The following SORBS3 variants were observed in gnomAD, a reference collection of about 807,000 sequenced individuals.
SORBS3 encodes sorbin and SH3 domain containing 3.
In SORBS3, 69 loss-of-function variants were observed where a neutral mutation model predicts 98.0. The ratio of observed to expected loss-of-function variants is 0.70; its 90% confidence interval spans 0.58 to 0.86. SORBS3 has a LOEUF of 0.86. Among genes scored for constraint, SORBS3 ranks in the 40% least tolerant of loss-of-function variants. The pLI is 0.00. For synonymous variants in SORBS3, 394 were observed against 355.4 expected (o/e 1.11, Z -1.22); for missense variants, 954 against 908.5 (o/e 1.05, Z -0.64).
rs754874798 is a variant in SORBS3, at chr8:22,571,209, A to C, written c.1731A>C (p.Arg577Ser). 1.9e-5 allele frequency: 30 copies of C among 1,540,758 alleles called. No individual in the cohort carries two copies. The highest frequency in any genetic ancestry group is 3.7e-5 in the Admixed American group (2 of 53,954). ...TCTCCTTCCCCACCCAGGAGCCTAG[A>C]CCCCAGACCCAGGTGAGGTAGCCTG... is the stretch of plus-strand genomic sequence containing the variant. ...TGFSFPTQEP[R>S]PQTQNLGTPG... Residue 577 changes from arginine to serine, a missense_variant, in exon 18 of 21, where the codon AGA becomes AGC. Physicochemically the swap from Arg to Ser is moderately radical, Grantham distance 110. Coordinates refer to ENST00000240123, the MANE Select transcript of SORBS3 (RefSeq NM_005775.5).
At chr8:22,564,587 C>T in intron 10 of SORBS3, 66 bp downstream of exon 10, 1 of 1,596,210 alleles carries the variant, frequency 6.3e-7, no homozygotes, top group South Asian at 1.1e-5. Context: ...TTTGGTGGCC[C>T]CAGTAACCAT....
At chr8:22,550,049 A>T, upstream of SORBS3, 3 of 983,986 alleles carry the variant, frequency 3.0e-6, no homozygotes, top group Non-Finnish European at 3.6e-6. Flanking sequence ...AGTCCCAAGG[A>T]CCCTGACAGG....
intron 7 of SORBS3, among the ~76,000 whole-genome samples, chr8:22,563,504 C>T (rs1358794088): frequency 6.6e-6 from 1 of 152,182 alleles, no homozygotes; most frequent in Non-Finnish European, 1.5e-5. Context: ...GCTTTCCTTG[C>T]CCATGGGTGT....
intron 8 of SORBS3, 37 bp from the exon 9 acceptor site, chr8:22,564,246 C>T (rs1420130255): frequency 3.2e-6 from 5 of 1,550,470 alleles, no homozygotes; most frequent in Non-Finnish European, 4.4e-6. Context: ...TCCCAGTAGC[C>T]CTCTTCACAA....
upstream of SORBS3, chr8:22,551,586 G>C: frequency 7.5e-6 from 2 of 268,224 alleles, no homozygotes; most frequent in Non-Finnish European, 1.2e-5. The surrounding 1 kb of genome is among the most constrained non-coding windows in gnomAD (Gnocchi z 5.8). Flanking sequence ...GTAGGGGCCG[G>C]GATGGCAGCT....
At position 22,564,056 on chromosome 8, in the gene SORBS3, T is replaced by C. The variant is rs762088325; in HGVS notation, c.654T>C (p.Thr218=). ...TFNYRPGAFS[T]VLQPSNQVLR... The stretch of plus-strand genomic sequence containing the variant: ...ACTACAGACCTGGAGCATTCTCCAC[T>C]GTGCTGCAGCCCTCAAATCAGGTAG... The change falls in exon 8 of 21, where the codon ACT becomes ACC. Residue 218 remains threonine, a synonymous_variant. Transcript: ENST00000240123. 1.3e-5 allele frequency: 21 copies of C among 1,613,790 alleles called. No individual in the cohort carries two copies. Among genetic ancestry groups the C allele is most frequent in the Non-Finnish European group, 6.8e-6 (8 of 1,180,020 alleles).
At chr8:22,569,735 T>A (rs1840522595) in intron 17 of SORBS3, among the ~76,000 whole-genome samples, 2 of 152,098 alleles carry the variant, frequency 1.3e-5, no homozygotes, top group South Asian at 4.1e-4. Context: ...TTTAGTGTAG[T>A]GGCTTTTTTT....
chr8:22,549,067 G>A (rs966369481), upstream of SORBS3, among the ~76,000 whole-genome samples: 1 of 152,230 alleles, frequency 6.6e-6, no homozygotes, highest in Admixed American at 6.5e-5. Flanking sequence ...GGGCTTGAGC[G>A]GGGAATACTG....
intron 20 of SORBS3, among the ~76,000 whole-genome samples, chr8:22,572,755 C>T (rs943356599): frequency 6.6e-6 from 1 of 152,224 alleles, no homozygotes; most frequent in South Asian, 2.1e-4. Flanking sequence ...CTCCTGCACA[C>T]CCCTGCCTCG....
intron 1 of SORBS3, among the ~76,000 whole-genome samples, chr8:22,552,821 C>G (rs564964965): frequency 1.2e-4 from 19 of 152,328 alleles, no homozygotes; most frequent in African/African-American, 2.9e-4. Flanking sequence ...TCAACTCCCC[C>G]CCGCAAGGGG....
At chr8:22,564,642 G>A in intron 10 of SORBS3, 121 bp downstream of exon 10, 2 of 1,426,884 alleles carry the variant, frequency 1.4e-6, no homozygotes, top group South Asian at 1.3e-5. Context: ...GTCCCACATG[G>A]TTTATTTCTG....
At chr8:22,565,785 C>G in intron 11 of SORBS3, 41 bp from the exon 12 acceptor site, 2 of 1,318,254 alleles carry the variant, frequency 1.5e-6, no homozygotes. Flanking sequence ...GCCGCTGGGT[C>G]CCGGGGTCGC....
intron 17 of SORBS3, 69 bp from the exon 18 acceptor site, chr8:22,570,841 C>A: frequency 7.0e-7 from 1 of 1,435,378 alleles, no homozygotes; most frequent in Non-Finnish European, 9.5e-7. Context: ...AATGAGACAG[C>A]CCAGATAAGG....
rs368068959 is a variant in SORBS3, at chr8:22,561,845, C to G, written c.518-20C>G. ...GTCTCCTCCCACCTTCAATGCTTTCCTCGTGTACCTCCTCTGCAGACCCCA... is the reference window on the plus strand; with the variant it reads ...GTCTCCTCCCACCTTCAATGCTTTCGTCGTGTACCTCCTCTGCAGACCCCA... On this transcript the variant is annotated intron_variant, in intron 6 of 20. Transcript: ENST00000240123. The G allele has an allele frequency of 3.2e-5, 51 of 1,612,506 alleles. No homozygotes were observed. The African/African-American group carries it at 6.3e-4, about 20-fold the overall frequency.
intron 3 of SORBS3, among the ~76,000 whole-genome samples, chr8:22,556,169 A>G (rs76779471): frequency 0.032 from 4,814 of 152,306 alleles, 115 homozygotes; most frequent in Middle Eastern, 0.071. Context: ...TGTCTGGGGA[A>G]TGGGTTTCTG....
chr8:22,562,849 G>A (rs1272961591), intron 7 of SORBS3, among the ~76,000 whole-genome samples: 2 of 152,252 alleles, frequency 1.3e-5, no homozygotes, highest in Non-Finnish European at 2.9e-5. Context: ...GGGTGTGGTG[G>A]CTCACGCCTG....
At chr8:22,547,555 A>C (rs982367628), upstream of SORBS3, among the ~76,000 whole-genome samples, 3 of 152,138 alleles carry the variant, frequency 2.0e-5, no homozygotes, top group African/African-American at 7.2e-5. Flanking sequence ...CTCTTATCCT[A>C]CCCATCGCAG....
In SORBS3 at chr8:22,564,459, A is replaced by AC; in HGVS notation, c.763-6dup. The AC allele has an allele frequency of 6.2e-7, 1 of 1,614,004 alleles. No individual in the cohort carries two copies. Among genetic ancestry groups the AC allele is most frequent in the Non-Finnish European group, 8.5e-7 (1 of 1,179,990 alleles). On this transcript the variant is annotated splice_polypyrimidine_tract_variant and intron_variant, in intron 9 of 20. Coordinates refer to ENST00000240123, the MANE Select transcript of SORBS3 (RefSeq NM_005775.5). ...TCACCTGCTCTGACACACCCTTTCT[A>AC]CCCTTCAGCCCAAGAAACCGCTGGT...
chr8:22,574,870 C>G lies in SORBS3; in HGVS notation c.*142C>G, dbSNP rs759503087. ...TGCAGACGACCCCCGCAGCCTTTCC[C>G]TCGGACCCCCCTCGAAGCCCCCTGG... On this transcript the variant is annotated 3_prime_UTR_variant, in exon 21 of 21. Coordinates refer to ENST00000240123, the MANE Select transcript of SORBS3 (RefSeq NM_005775.5). 2.5e-6 allele frequency: 2 copies of G among 787,874 alleles called. No homozygotes were observed. The highest frequency in any genetic ancestry group is 1.9e-5 in the Admixed American group (1 of 52,356). The allele number at this position is 787,874 out of a possible 1,614,324, so 48.8% of individuals were successfully genotyped here.
Sources: gnomAD v4.1 joint callset for allele counts (sites outside exome capture counted in the v4.1 genomes callset) on GRCh38, gnomAD v4.1.1 for gene constraint, Gnocchi (gnomAD v3.1) non-coding constraint, MANE v1.5 for transcripts, NCBI Gene and HGNC (gene_info 2026-07-23, HGNC 2026-07-21) for gene names.